The following WWOX variants were observed in gnomAD, a reference collection of about 807,000 sequenced individuals.
WWOX encodes the protein WW domain-containing oxidoreductase.
Under a neutral mutation model 46.2 loss-of-function variants are expected in WWOX, and 69 were observed. The ratio of observed to expected loss-of-function variants is 1.49; its 90% CI spans 1.23 to 1.82. The LOEUF (loss-of-function observed/expected upper bound fraction) is 1.82. Ranked by LOEUF, WWOX falls within the 40% of genes most tolerant of loss-of-function variation. The probability of loss-of-function intolerance (pLI) is 0.00; values close to 1 mark genes in which losing one functional copy is unlikely to be tolerated. For synonymous variants in WWOX, 359 were observed against 202.6 expected, an observed-to-expected ratio of 1.77 and a Z score of -6.56; for missense variants, 919 against 542.6, an observed-to-expected ratio of 1.69 and a Z score of -6.89.
chr16:78,895,471 T>A (rs2044681314), intron 8 of WWOX: 1 of 152,290 alleles, frequency 6.6e-6, no homozygotes, highest in South Asian at 2.1e-4. Flanking sequence ...TGGCCTAGCT[T>A]CCATCCCGTA....
chr16:78,351,195 TG>T (rs2081177238), intron 5 of WWOX, among the ~76,000 whole-genome samples: 1 of 152,244 alleles, frequency 6.6e-6, no homozygotes, highest in African/African-American at 2.4e-5. Flanking sequence ...GAGATCCTTC[TG>T]GTTCAGAGGA....
At position 78,386,879 on chromosome 16, in the gene WWOX, C is replaced by T. The variant is rs764043513; in HGVS notation, c.536C>T (p.Ala179Val). ...TTGCAGCATAAAGCCAAGGTAGAAG[C>T]AATGACCCTGGACCTCGCTCTGCTC... ...LEEWHKAKVE[A>V]MTLDLALLRS... Residue 179 changes from alanine (A) to valine (V), a missense_variant, in exon 6 of 9, where the codon GCA becomes GTA. Transcript: ENST00000566780. 3 of 1,614,060 alleles carry T rather than the reference C, an allele frequency of 1.9e-6. No individual in the cohort carries two copies. The highest frequency in any genetic ancestry group is 2.2e-5 in the East Asian group (1 of 44,880).
At chr16:79,090,978 T>G (rs1567543295) in intron 8 of WWOX, among the ~76,000 whole-genome samples, 1 of 152,096 alleles carries the variant, frequency 6.6e-6, no homozygotes, top group Non-Finnish European at 1.5e-5. Flanking sequence ...TTGTATTTTT[T>G]GTAGATACCA....
chr16:78,498,467 A>C (rs1334411966), intron 8 of WWOX, among the ~76,000 whole-genome samples: 1 of 152,114 alleles, frequency 6.6e-6, no homozygotes. Context: ...CACAAATCTT[A>C]TGATAAAACT....
chr16:78,632,291 A>G (rs1473044879), intron 8 of WWOX, among the ~76,000 whole-genome samples: 4 of 152,186 alleles, frequency 2.6e-5, no homozygotes, highest in African/African-American at 9.7e-5. Context: ...TGAGGAATAA[A>G]TGATATAATT....
intron 8 of WWOX, among the ~76,000 whole-genome samples, chr16:78,799,927 C>T (rs1282121611): frequency 2.0e-5 from 3 of 152,098 alleles, no homozygotes; most frequent in South Asian, 4.1e-4. Context: ...GAAATACGTC[C>T]TCCATCTCAG....
intron 8 of WWOX, among the ~76,000 whole-genome samples, chr16:78,499,641 T>C (rs2085009606): frequency 6.6e-6 from 1 of 152,116 alleles, no homozygotes; most frequent in Admixed American, 6.5e-5. Flanking sequence ...ATCTGGTAGT[T>C]GTTTGTGCCT....
At chr16:79,181,404 C>T (rs2050908904) in intron 8 of WWOX, among the ~76,000 whole-genome samples, 1 of 152,122 alleles carries the variant, frequency 6.6e-6, no homozygotes, top group Non-Finnish European at 1.5e-5. Flanking sequence ...ATGAATACTA[C>T]AGCAATATAT....
intron 8 of WWOX, among the ~76,000 whole-genome samples, chr16:78,489,070 C>T (rs1456609378): frequency 6.6e-6 from 1 of 152,104 alleles, no homozygotes; most frequent in Non-Finnish European, 1.5e-5. Context: ...TAGTTATCTG[C>T]TTACCTTTCT....
chr16:79,062,049 C>G (rs540692916), intron 8 of WWOX, among the ~76,000 whole-genome samples: 1 of 152,238 alleles, frequency 6.6e-6, no homozygotes, highest in Non-Finnish European at 1.5e-5. Flanking sequence ...ATGCCCTTAT[C>G]AGCAAAACTT....
At chr16:78,386,785 A>C in intron 5 of WWOX, 75 bp from the exon 6 acceptor site, 3 of 1,296,956 alleles carry the variant, frequency 2.3e-6, no homozygotes. Context: ...GTTCCATAAC[A>C]CATTTACTGT....
chr16:78,386,414 T>C (rs1204177182), intron 5 of WWOX, among the ~76,000 whole-genome samples: 7 of 152,294 alleles, frequency 4.6e-5, no homozygotes, highest in African/African-American at 1.7e-4. Flanking sequence ...GAGTTGTCTT[T>C]GATTTTTGAT....
chr16:79,205,771 T>C (rs1465367657), intron 8 of WWOX: 1 of 152,202 alleles, frequency 6.6e-6, no homozygotes, highest in Non-Finnish European at 1.5e-5. Flanking sequence ...GTCAGGAATT[T>C]GTAGGAATGA....
At chr16:79,091,483 A>C (rs950184126) in intron 8 of WWOX, among the ~76,000 whole-genome samples, 1 of 152,092 alleles carries the variant, frequency 6.6e-6, no homozygotes, top group Non-Finnish European at 1.5e-5. Context: ...GACTTCAGGA[A>C]TCTGGGATTT....
intron 8 of WWOX, among the ~76,000 whole-genome samples, chr16:79,024,988 G>A (rs769769174): frequency 1.3e-5 from 2 of 152,194 alleles, no homozygotes; most frequent in Non-Finnish European, 2.9e-5. Context: ...TTCAATCCTA[G>A]GACCTGAGCT....
At chr16:78,839,122 C>T (rs1041980575) in intron 8 of WWOX, among the ~76,000 whole-genome samples, 4 of 152,110 alleles carry the variant, frequency 2.6e-5, no homozygotes, top group South Asian at 4.1e-4. Context: ...CTACACTTAT[C>T]TCAAAAATAA....
At chr16:78,811,766 C>T (rs79338774) in intron 8 of WWOX, among the ~76,000 whole-genome samples, 2,365 of 152,208 alleles carry the variant, frequency 0.016, 64 homozygotes, top group African/African-American at 0.047. Flanking sequence ...GGGTCCCACA[C>T]CCAGATACCA....
intron 8 of WWOX, among the ~76,000 whole-genome samples, chr16:79,093,570 G>C (rs1341034898): frequency 1.3e-5 from 2 of 152,044 alleles, no homozygotes; most frequent in Admixed American, 1.3e-4. Context: ...GCAGGCAGTG[G>C]GCCCACTTCA....
chr16:78,378,014 G>A (rs1023895318), intron 5 of WWOX, among the ~76,000 whole-genome samples: 1 of 152,062 alleles, frequency 6.6e-6, no homozygotes, highest in African/African-American at 2.4e-5. Context: ...AAGGGGACCT[G>A]ATGGAGGGCC....
Sources: allele counts gnomAD v4.1 joint callset (sites outside exome capture counted in the v4.1 genomes callset), GRCh38; gene constraint gnomAD v4.1.1; transcripts MANE v1.5; gene names NCBI Gene and HGNC (gene_info 2026-07-23, HGNC 2026-07-21).